The following TSHR variants were observed in gnomAD, a reference collection of about 807,000 sequenced individuals.
TSHR encodes the protein thyrotropin receptor.
Under a neutral mutation model 64.1 loss-of-function variants are expected in TSHR, and 51 were observed. The observed-to-expected ratio is 0.80, with a 90% CI of 0.64 to 1.01. The LOEUF (loss-of-function observed/expected upper bound fraction) is 1.01. Ranked by LOEUF, TSHR falls within the 50% of genes least tolerant of loss-of-function variation. The pLI is 0.00. For synonymous variants in TSHR, 361 were observed against 361.9 expected (o/e 1.00, Z 0.03); for missense variants, 877 against 942.8 (o/e 0.93, Z 0.91).
intron 7 of TSHR, chr14:81,104,915 C>G (rs1182129889): frequency 2.0e-6 from 2 of 985,294 alleles, no homozygotes; most frequent in African/African-American, 1.7e-5. Context: ...GTAGCCATGT[C>G]TATCTTATTT....
intron 1 of TSHR, among the ~76,000 whole-genome samples, chr14:80,983,822 A>G (rs1888298439): frequency 6.6e-6 from 1 of 152,336 alleles, no homozygotes; most frequent in South Asian, 2.1e-4. Context: ...TCAGATGAAT[A>G]TCATATCACT....
intron 7 of TSHR, chr14:81,104,759 T>C: frequency 2.0e-6 from 2 of 985,448 alleles, no homozygotes; most frequent in Non-Finnish European, 2.4e-6. Flanking sequence ...TGTGAACTAT[T>C]CACAATCTTA....
intron 1 of TSHR, chr14:81,013,291 A>G (rs916403568): frequency 6.6e-6 from 1 of 152,156 alleles, no homozygotes; most frequent in African/African-American, 2.4e-5. Flanking sequence ...GTTCTGTTCC[A>G]TTGATCTATG....
intron 2 of TSHR, among the ~76,000 whole-genome samples, chr14:81,066,598 T>C (rs1157691831): frequency 1.3e-5 from 2 of 152,214 alleles, no homozygotes; most frequent in Non-Finnish European, 2.9e-5. Flanking sequence ...CTTGTAAACA[T>C]TGCATCGATG....
intron 1 of TSHR, among the ~76,000 whole-genome samples, chr14:81,047,599 G>A (rs1333335906): frequency 6.6e-6 from 1 of 151,382 alleles, no homozygotes; most frequent in East Asian, 1.9e-4. Context: ...AGCCCACATT[G>A]CCATTTGTTA....
At chr14:81,110,286 GTAAT>G (rs1890169281) in intron 8 of TSHR, among the ~76,000 whole-genome samples, 1 of 152,196 alleles carries the variant, frequency 6.6e-6, no homozygotes, top group Non-Finnish European at 1.5e-5. Context: ...CTGTAAAGAG[GTAAT>G]TAAATTAAAA....
chr14:80,965,298 T>C (rs1489519692), intron 1 of TSHR, among the ~76,000 whole-genome samples: 1 of 152,232 alleles, frequency 6.6e-6, no homozygotes, highest in African/African-American at 2.4e-5. Flanking sequence ...GAGAACAGTT[T>C]GCTGTTTACT....
At chr14:81,009,859 A>G (rs1291687173) in intron 1 of TSHR, among the ~76,000 whole-genome samples, 1 of 152,080 alleles carries the variant, frequency 6.6e-6, no homozygotes, top group Non-Finnish European at 1.5e-5. Flanking sequence ...ATTCTTGTGT[A>G]CGTCAACTGT....
At position 81,103,555 on chromosome 14, in the gene TSHR, A is replaced by C. The variant is rs914930312; in HGVS notation, c.615-4820A>C. 1.3e-5 allele frequency: 13 copies of C among 985,382 alleles called. No homozygotes were observed. In the African/African-American group the frequency reaches 2.1e-4, roughly 16 times the overall value. 61.0% of individuals were successfully genotyped at this position (985,382 alleles called of 1,614,324 possible). On this transcript the variant is annotated intron_variant, in intron 7 of 9. Coordinates refer to ENST00000298171, the MANE Select transcript of TSHR (RefSeq NM_000369.5). This position sits in a 1 kb window ranked among gnomAD's most constrained non-coding sequence, Gnocchi z 4.1. ...GTGCAAGTGCTGATGCCTCAGCAGC[A>C]GTCAAGCAATTAGTTAGGATTTCAT...
At chr14:80,966,883 T>G (rs1887338603) in intron 1 of TSHR, among the ~76,000 whole-genome samples, 1 of 152,152 alleles carries the variant, frequency 6.6e-6, no homozygotes, top group African/African-American at 2.4e-5. Context: ...ACCTTCTCAT[T>G]GTATCTTCAC....
At chr14:81,078,094 AG>A (rs1338348756) in intron 3 of TSHR, among the ~76,000 whole-genome samples, 2 of 151,366 alleles carry the variant, frequency 1.3e-5, no homozygotes, top group South Asian at 4.1e-4. Flanking sequence ...ATTTGAGTAA[AG>A]AAAAAAATAG....
intron 1 of TSHR, among the ~76,000 whole-genome samples, chr14:81,056,552 A>C (rs1202103133): frequency 6.6e-6 from 1 of 152,180 alleles, no homozygotes; most frequent in Non-Finnish European, 1.5e-5. Context: ...CAATACAAAA[A>C]ATTATGCTAA....
chr14:81,068,343 A>T lies in TSHR; in HGVS notation c.317+15A>T, dbSNP rs1270064620. 1 of 1,611,702 alleles carries T rather than the reference A, an allele frequency of 6.2e-7. No homozygotes were observed. The highest frequency in any genetic ancestry group is 1.3e-5 in the African/African-American group (1 of 74,876). ...GTGACTCACATGTAAGTACAAGGAA[A>T]AGTGCAGCATAGACCTAAGCCACAA... On this transcript the variant is annotated intron_variant, in intron 3 of 9. Coordinates refer to ENST00000298171, the MANE Select transcript of TSHR (RefSeq NM_000369.5).
intron 3 of TSHR, among the ~76,000 whole-genome samples, chr14:81,074,089 C>T (rs568465542): frequency 1.4e-4 from 21 of 152,166 alleles, no homozygotes; most frequent in African/African-American, 5.1e-4. Context: ...ATTCAATTCT[C>T]TACTCTGAGC....
intron 1 of TSHR, chr14:81,033,354 G>C (rs774464662): frequency 6.9e-5 from 20 of 290,966 alleles, no homozygotes; most frequent in Non-Finnish European, 1.3e-4. Context: ...CTCCGAAAGT[G>C]AATGACAGGG....
At chr14:81,002,781 CTTTTTTT>C (rs1174635270) in intron 1 of TSHR, among the ~76,000 whole-genome samples, 21 of 44,316 alleles carry the variant, frequency 4.7e-4, no homozygotes, top group African/African-American at 2.1e-3. Flanking sequence ...CCTAATGCCT[CTTTTTTT>C]TTTTTTTTTT....
At chr14:81,109,016 T>G in intron 8 of TSHR, 1 of 1,235,606 alleles carries the variant, frequency 8.1e-7, no homozygotes, top group Non-Finnish European at 1.0e-6. Flanking sequence ...CTATTGATTC[T>G]GCTTCCCTGA....
chr14:81,143,625 A>G lies in TSHR; in HGVS notation c.1567A>G (p.Ile523Val). The G allele has an allele frequency of 6.2e-7, 1 of 1,614,020 alleles. No homozygotes were observed. The stretch of plus-strand genomic sequence containing the variant: ...CATCACCCTGGAGCGCTGGTATGCC[A>G]TCACCTTCGCCATGCGCCTGGACCG... ...TVITLERWYA[I>V]TFAMRLDRKI... The change falls in exon 10 of 10, where the codon ATC (isoleucine) becomes GTC (valine). Residue 523 changes from isoleucine (I) to valine (V), a missense_variant. By Grantham distance (29) the Ile-to-Val change is conservative. Coordinates refer to ENST00000298171, the MANE Select transcript of TSHR (RefSeq NM_000369.5).
intron 1 of TSHR, among the ~76,000 whole-genome samples, chr14:81,023,316 C>A (rs1047024682): frequency 6.6e-6 from 1 of 152,046 alleles, no homozygotes; most frequent in Admixed American, 6.5e-5. Flanking sequence ...GAAAGACCCA[C>A]CCCCATGATT....
Sources: allele counts gnomAD v4.1 joint callset (sites outside exome capture counted in the v4.1 genomes callset), GRCh38; gene constraint gnomAD v4.1.1; non-coding constraint Gnocchi (gnomAD v3.1); transcripts MANE v1.5; gene names NCBI Gene and HGNC (gene_info 2026-07-23, HGNC 2026-07-21).